Variants in STOX2 observed in about 807,000 individuals in gnomAD.
The protein encoded by STOX2 is storkhead-box protein 2.
STOX2 carries 28 observed loss-of-function variants against 60.9 expected under a neutral mutation model. The observed-to-expected ratio is 0.46, with a 90% CI of 0.34 to 0.63. The LOEUF (loss-of-function observed/expected upper bound fraction) is 0.63, where lower values mean the gene tolerates loss of function less well. Ranked by LOEUF, STOX2 falls within the 30% of genes least tolerant of loss-of-function variation. The pLI is 0.01. For synonymous variants in STOX2, 472 were observed against 463.9 expected (o/e 1.02, Z -0.22); for missense variants, 1,024 against 1,187.7 (o/e 0.86, Z 2.03).
chr4:183,972,734 A>G (rs1743780703), intron 1 of STOX2, among the ~76,000 whole-genome samples: 1 of 152,270 alleles, frequency 6.6e-6, no homozygotes. Context: ...ATAATAATCA[A>G]CATTACTAAA....
chr4:183,801,610 T>C (rs1393886570), intron 1 of STOX2, among the ~76,000 whole-genome samples: 3 of 152,160 alleles, frequency 2.0e-5, no homozygotes, highest in Non-Finnish European at 2.9e-5. Flanking sequence ...AACTTGATCT[T>C]GTGCAGATGG....
intron 2 of STOX2, among the ~76,000 whole-genome samples, chr4:184,004,160 GTT>G (rs951183980): frequency 2.0e-5 from 3 of 152,082 alleles, no homozygotes; most frequent in African/African-American, 7.2e-5. Context: ...CAAAAATAAA[GTT>G]TTTGAGCCTA....
chr4:183,897,804 A>G (rs952316195), intron 1 of STOX2, among the ~76,000 whole-genome samples: 6 of 152,210 alleles, frequency 3.9e-5, no homozygotes, highest in Non-Finnish European at 2.9e-5. Context: ...GTCCAGCCTT[A>G]TCAGAAAAGA....
intron 1 of STOX2, among the ~76,000 whole-genome samples, chr4:183,819,789 G>A (rs1338142353): frequency 6.6e-6 from 1 of 152,214 alleles, no homozygotes; most frequent in Admixed American, 6.5e-5. Flanking sequence ...ATCACAAGGA[G>A]GAGAATAAGG....
At chr4:183,851,300 T>A (rs1740127384) in intron 1 of STOX2, among the ~76,000 whole-genome samples, 1 of 64,838 alleles carries the variant, frequency 1.5e-5, no homozygotes, top group African/African-American at 6.3e-5. Flanking sequence ...AGAGAAAGGA[T>A]GAGGGAAAGG....
intron 1 of STOX2, among the ~76,000 whole-genome samples, chr4:183,844,272 AG>A (rs896267359): frequency 2.6e-5 from 4 of 152,136 alleles, no homozygotes; most frequent in African/African-American, 9.7e-5. Flanking sequence ...AAATGTCTTC[AG>A]GAAAGCAACA....
rs929354687 is a variant in STOX2 at position 183,806,610 on chromosome 4, C to G, written c.364+8555C>G. Among the ~76,000 whole-genome samples the G allele has an allele frequency of 1.3e-5, 2 of 152,208 alleles. No homozygotes were observed. The highest frequency in any genetic ancestry group is 4.8e-5 in the African/African-American group (2 of 41,466). ...TGCTTCCTGAGAGCTCTGCGTGTGA[C>G]AGCATTTCCTTCTGTCTCAGCCTCT... is the stretch of plus-strand genomic sequence containing the variant. On this transcript the variant is annotated intron_variant, in intron 1 of 2. Transcript: ENST00000513034. This position sits in a 1 kb window ranked among gnomAD's most constrained non-coding sequence, Gnocchi z 4.1.
At chr4:183,866,583 A>C (rs1211288615) in intron 1 of STOX2, among the ~76,000 whole-genome samples, 2 of 152,158 alleles carry the variant, frequency 1.3e-5, no homozygotes, top group African/African-American at 2.4e-5. Flanking sequence ...AATTACTGAG[A>C]ATTACTGTGC....
At chr4:183,911,884 G>C (rs1280641137) in intron 1 of STOX2, among the ~76,000 whole-genome samples, 1 of 152,092 alleles carries the variant, frequency 6.6e-6, no homozygotes, top group Non-Finnish European at 1.5e-5. Context: ...TAATCTATAA[G>C]GTATAAAGTA....
At chr4:183,798,237 TC>T (rs1360231271) in intron 1 of STOX2, among the ~76,000 whole-genome samples, 1 of 151,208 alleles carries the variant, frequency 6.6e-6, no homozygotes, top group African/African-American at 2.4e-5. Context: ...TTGGGGAACT[TC>T]CTGGCACCGA....
intron 1 of STOX2, among the ~76,000 whole-genome samples, chr4:183,887,597 A>C (rs1741113791): frequency 6.6e-6 from 1 of 152,188 alleles, no homozygotes; most frequent in Non-Finnish European, 1.5e-5. Context: ...TCTTCACACA[A>C]CATTAGGAGA....
At chr4:183,863,484 G>A (rs1579348813) in intron 1 of STOX2, among the ~76,000 whole-genome samples, 1 of 152,228 alleles carries the variant, frequency 6.6e-6, no homozygotes, top group African/African-American at 2.4e-5. Flanking sequence ...ACTTCCATAT[G>A]CGTAGAATGA....
intron 1 of STOX2, among the ~76,000 whole-genome samples, chr4:183,799,933 T>G (rs1488527904): frequency 6.6e-6 from 1 of 152,160 alleles, no homozygotes; most frequent in African/African-American, 2.4e-5. Flanking sequence ...TCTGTAGTAC[T>G]GAGCTCCTCA....
chr4:184,012,843 C>T (rs1431249492), intron 3 of STOX2, among the ~76,000 whole-genome samples: 1 of 152,174 alleles, frequency 6.6e-6, no homozygotes, highest in Non-Finnish European at 1.5e-5. Flanking sequence ...AATTTTTTAT[C>T]TCAAATCAGA....
rs1005702838 is a variant in STOX2, at chr4:183,825,726, G to T, written c.364+27671G>T. On this transcript the variant is annotated intron_variant, in intron 1 of 2. Coordinates refer to the STOX2 transcript ENST00000513034. The surrounding 1 kb of genome is among the most constrained non-coding windows in gnomAD (Gnocchi z 4.1). ...CTAGACCTAGTGGAGCAGGAGTCAG[G>T]GTCAGCGAGGTGGCTGGGGCTGGAC... is the stretch of plus-strand genomic sequence containing the variant. Among the ~76,000 whole-genome samples the T allele has an allele frequency of 1.3e-5, 2 of 148,946 alleles. No individual in the cohort carries two copies. The highest frequency in any genetic ancestry group is 5.2e-5 in the African/African-American group (2 of 38,372).
chr4:184,020,289 TGTC>T lies in STOX2; in HGVS notation c.*3006_*3008del, dbSNP rs1409226426. 1 of 152,194 alleles carries T rather than the reference TGTC, an allele frequency of 6.6e-6. No individual in the cohort carries two copies. The highest frequency in any genetic ancestry group is 6.5e-5 in the Admixed American group (1 of 15,278). The allele number at this position is 152,194 out of a possible 1,614,324, so 9.4% of individuals were successfully genotyped here. ...GCTGTTTGGCTTTCAGATGTAATCC[TGTC>T]TTCTCCTCTCTTCCCCACGAAAGCG... On this transcript the variant is annotated 3_prime_UTR_variant, in exon 4 of 4. Coordinates refer to ENST00000308497, the MANE Select transcript of STOX2 (RefSeq NM_020225.3).
chr4:183,985,876 G>A (rs560749379), intron 1 of STOX2, among the ~76,000 whole-genome samples: 1 of 152,290 alleles, frequency 6.6e-6, no homozygotes, highest in African/African-American at 2.4e-5. Context: ...TAGGCACCCT[G>A]TCTGACCTTA....
rs567574623 is a variant in STOX2 at position 184,011,087 on chromosome 4, C to G, written c.2249C>G (p.Ala750Gly). 3.1e-6 allele frequency: 5 copies of G among 1,595,324 alleles called. No homozygotes were observed. Among genetic ancestry groups the G allele is most frequent in the Non-Finnish European group, 4.3e-6 (5 of 1,171,762 alleles). The change falls in exon 3 of 4, where the codon GCG (alanine) becomes GGG (glycine). Residue 750 changes from alanine (A) to glycine (G), a missense_variant. Around this residue, in one of 3 missense-constraint regions of STOX2, gnomAD observed 922 missense variants for 1,058.3 expected, o/e 0.87. Coordinates refer to ENST00000308497, the MANE Select transcript of STOX2 (RefSeq NM_020225.3). This position sits in a 1 kb window ranked among gnomAD's most constrained non-coding sequence, Gnocchi z 4.4. ...EKLEPSLGTS[A>G]AQAMPASQRQ... ...CTGGAACCGTCCCTGGGGACCTCGG[C>G]GGCACAAGCCATGCCTGCTTCCCAG...
intron 1 of STOX2, among the ~76,000 whole-genome samples, chr4:183,866,232 A>G (rs750339834): frequency 6.6e-6 from 1 of 152,080 alleles, no homozygotes; most frequent in Non-Finnish European, 1.5e-5. Context: ...TGCTCAGCTT[A>G]TTTCAAGAAG....
Sources: allele counts gnomAD v4.1 joint callset (sites outside exome capture counted in the v4.1 genomes callset), GRCh38; gene constraint gnomAD v4.1.1; regional missense constraint gnomAD v4.1.1; non-coding constraint Gnocchi (gnomAD v3.1); transcripts MANE v1.5; gene names NCBI Gene and HGNC (gene_info 2026-07-23, HGNC 2026-07-21).